TFRC: variants seen among roughly 807,000 people sequenced by gnomAD.
The protein encoded by TFRC is transferrin receptor, also known as transferrin receptor protein 1.
In TFRC, 35 loss-of-function variants were observed where a neutral mutation model predicts 85.8. The observed-to-expected ratio is 0.41, with a 90% CI of 0.31 to 0.54. The LOEUF (loss-of-function observed/expected upper bound fraction) is 0.54, where lower values mean the gene tolerates loss of function less well. TFRC is among the 20% of genes least tolerant of loss of function. The pLI is 0.31. For synonymous variants in TFRC, 362 were observed against 328.6 expected, an observed-to-expected ratio of 1.10 and a Z score of -1.10; for missense variants, 828 against 921.5, an observed-to-expected ratio of 0.90 and a Z score of 1.31.
chr3:196,052,178 A>G lies in TFRC; in HGVS notation c.2047T>C (p.Tyr683His), dbSNP rs1716375911. 6.2e-7 allele frequency: 1 copy of G among 1,612,614 alleles called. No individual in the cohort carries two copies. The highest frequency in any genetic ancestry group is 1.3e-5 in the African/African-American group (1 of 74,668). Residue 683 changes from tyrosine (Y) to histidine (H), a missense_variant, in exon 19 of 19, where the codon TAT becomes CAT. By Grantham distance (83) the Tyr-to-His change is moderately conservative. Transcript: ENST00000360110. ...GATACGTAGGGAGAGAGGAAGTGAT[A>G]CTCCACCTACGAAAACAACACACAA... ...KLNDRVMRVE[Y>H]HFLSPYVSPK...
chr3:196,076,315 T>C lies in TFRC; in HGVS notation c.36+749A>G, dbSNP rs117087571. On this transcript the variant is annotated intron_variant, in intron 2 of 18. Transcript: ENST00000360110. ...CTACTCAATGTTTCTTAAAATTTCATTTTTTTTTTAATAGAGATGGGCTTG... is the reference window on the plus strand; with the variant it reads ...CTACTCAATGTTTCTTAAAATTTCACTTTTTTTTTAATAGAGATGGGCTTG... 3.2e-3 allele frequency among the ~76,000 whole-genome samples: 445 copies of C among 140,064 alleles called. 6 individuals carry two copies. The highest frequency in any genetic ancestry group is 0.02 in the East Asian group (101 of 5,108). 91.9% of individuals were successfully genotyped at this position (140,064 alleles called of 152,430 possible).
intron 2 of TFRC, 114 bp downstream of exon 2, chr3:196,076,950 T>C: frequency 1.0e-6 from 1 of 993,002 alleles, no homozygotes. Flanking sequence ...AATTCAAATG[T>C]AAATGAATAC....
At chr3:196,057,339 C>T (rs492288) in intron 16 of TFRC, among the ~76,000 whole-genome samples, 47,613 of 151,690 alleles carry the variant, frequency 0.31, 7,546 homozygotes, top group South Asian at 0.34. Flanking sequence ...CCCCCAGTCA[C>T]GTACCCCCTG....
chr3:196,064,316 G>A lies in TFRC; in HGVS notation c.1311C>T (p.Val437=). 1 of 1,610,158 alleles carries A rather than the reference G, an allele frequency of 6.2e-7. No homozygotes were observed. The highest frequency in any genetic ancestry group is 1.7e-4 in the Middle Eastern group (1 of 6,036). The change falls in exon 11 of 19, where the codon GTC becomes GTT. Residue 437 remains valine (V), a synonymous_variant. Transcript: ENST00000360110. ...LKLAQMFSDM[V]LKDGFQPSRS... is the part of the protein sequence containing the mutation. ...TCAAAATTTGTACTCTACCTTTTAA[G>A]ACCATATCTGAGAACATCTGGGCAA...
intron 16 of TFRC, among the ~76,000 whole-genome samples, chr3:196,057,700 G>C (rs41297525): frequency 2.0e-5 from 3 of 151,610 alleles, no homozygotes; most frequent in East Asian, 1.9e-4. Context: ...GAGGCTGAAG[G>C]GGGAGGACTG....
At chr3:196,052,589 C>T (rs1716424343) in intron 18 of TFRC, among the ~76,000 whole-genome samples, 1 of 152,096 alleles carries the variant, frequency 6.6e-6, no homozygotes, top group Admixed American at 6.5e-5. Context: ...TACAGGCATG[C>T]ACCACCACGC....
chr3:196,063,842 G>A (rs1280024082), intron 11 of TFRC, among the ~76,000 whole-genome samples: 8 of 152,240 alleles, frequency 5.3e-5, no homozygotes, highest in Admixed American at 3.9e-4. Flanking sequence ...GCTTGAAGTC[G>A]GGAGGCAGAG....
In TFRC at chr3:196,052,284, C is replaced by T. The variant is rs41298097; in HGVS notation, c.2041-100G>A. 353,294 of 1,091,408 alleles carry T rather than the reference C, an allele frequency of 0.32. 60,306 individuals carry two copies. The highest frequency in any genetic ancestry group is 0.36 in the South Asian group (21,192 of 59,504). 67.6% of individuals were successfully genotyped at this position (1,091,408 alleles called of 1,614,324 possible). A position where few individuals can be genotyped will look rare whatever the true frequency, so the allele number is the denominator to read the frequency against. ...TAAAATGTCCCAAATTTAAGAATGC[C>T]GATCAGACTTTTTTTTTTTTTTTTT... On this transcript the variant is annotated intron_variant, in intron 18 of 18. Transcript: ENST00000360110.
intron 17 of TFRC, among the ~76,000 whole-genome samples, chr3:196,054,319 C>T (rs1663720588): frequency 1.3e-5 from 2 of 151,984 alleles, no homozygotes; most frequent in Non-Finnish European, 2.9e-5. Context: ...GCAGGAGAAT[C>T]GCTTAAAGCC....
intron 18 of TFRC, among the ~76,000 whole-genome samples, chr3:196,052,900 G>C (rs1445302187): frequency 6.6e-6 from 1 of 152,080 alleles, no homozygotes; most frequent in African/African-American, 2.4e-5. Flanking sequence ...ATCACTTGAG[G>C]TTGGGAGTTC....
rs1716115928 is a variant in TFRC at position 196,049,506 on chromosome 3, T to C, written c.*2436A>G. On this transcript the variant is annotated 3_prime_UTR_variant, in exon 19 of 19. Coordinates refer to ENST00000360110, the MANE Select transcript of TFRC (RefSeq NM_001128148.3). ...TTTACCTCCAAAAGGCCCATCTCCT[T>C]AACGAGAAGACATCTCAAGACCAGG... 1 of 219,724 alleles carries C rather than the reference T, an allele frequency of 4.6e-6. No homozygotes were observed. Among genetic ancestry groups the C allele is most frequent in the African/African-American group, 2.2e-5 (1 of 44,798 alleles). The allele number at this position is 219,724 out of a possible 1,614,324, so 13.6% of individuals were successfully genotyped here.
intron 10 of TFRC, 108 bp from the exon 11 acceptor site, chr3:196,064,536 A>G (rs984049532): frequency 6.2e-6 from 6 of 974,188 alleles, no homozygotes; most frequent in Non-Finnish European, 8.3e-6. Flanking sequence ...TGTATTAAGG[A>G]TAAAAGAGCC....
In TFRC at chr3:196,063,164, A is replaced by G; in HGVS notation, c.1319-225T>C. 6.6e-6 allele frequency: 3 copies of G among 452,390 alleles called. 1 individual carries two copies. The highest frequency in any genetic ancestry group is 1.2e-5 in the Non-Finnish European group (3 of 250,734). 28.0% of individuals were successfully genotyped at this position (452,390 alleles called of 1,614,324 possible). On this transcript the variant is annotated intron_variant, in intron 11 of 18. Coordinates refer to ENST00000360110, the MANE Select transcript of TFRC (RefSeq NM_001128148.3). The stretch of plus-strand genomic sequence containing the variant: ...ATAATTTTTTTTAAAGTAACCTACA[A>G]AGAGCAAGATAGGAGATCTGCAAAT...
intron 9 of TFRC, 101 bp from the exon 10 acceptor site, chr3:196,065,701 C>T: frequency 7.4e-7 from 1 of 1,347,616 alleles, no homozygotes. Context: ...ATAAACAAAA[C>T]TTACTCTCAG....
chr3:196,068,408 C>T (rs187823210), intron 7 of TFRC, among the ~76,000 whole-genome samples: 1 of 150,888 alleles, frequency 6.6e-6, no homozygotes, highest in African/African-American at 2.4e-5. Flanking sequence ...CTCAGGAGTT[C>T]GAGACCAGCC....
At chr3:196,066,051 G>A (rs1013069373) in intron 9 of TFRC, among the ~76,000 whole-genome samples, 1 of 151,792 alleles carries the variant, frequency 6.6e-6, no homozygotes, top group African/African-American at 2.4e-5. Flanking sequence ...CTCTAGTGGT[G>A]AACCATTTGC....
At chr3:196,072,830 C>CAAAT (rs1235433280) in intron 4 of TFRC, 1 of 151,996 alleles carries the variant, frequency 6.6e-6, no homozygotes, top group African/African-American at 2.4e-5. Context: ...AGTGTTACAG[C>CAAAT]TCTTTTAGAA....
intron 8 of TFRC, 85 bp from the exon 9 acceptor site, chr3:196,067,742 C>T: frequency 6.7e-7 from 1 of 1,487,762 alleles, no homozygotes; most frequent in Non-Finnish European, 9.0e-7. Context: ...AAGGCTGCAG[C>T]CCAACCTTAG....
At position 196,065,500 on chromosome 3, in the gene TFRC, G is replaced by C. The variant is rs897211495; in HGVS notation, c.1141C>G (p.Leu381Val). Residue 381 changes from leucine (L) to valine (V), a missense_variant, in exon 10 of 19, where the codon CTG becomes GTG. Physicochemically the swap from Leu to Val is conservative, Grantham distance 32. Transcript: ENST00000360110. ...ATGTTAAGAATTTTTATCTCTTTCA[G>C]CACATTGCTCACAGTGAGCTTCACA... ...KNVKLTVSNVLKEIKILNIFG... is the reference protein window; with the variant it reads ...KNVKLTVSNVVKEIKILNIFG... 2 of 1,565,980 alleles carry C rather than the reference G, an allele frequency of 1.3e-6. No homozygotes were observed. Among genetic ancestry groups the C allele is most frequent in the Non-Finnish European group, 1.7e-6 (2 of 1,152,060 alleles).
Sources: allele counts gnomAD v4.1 joint callset (sites outside exome capture counted in the v4.1 genomes callset), GRCh38; gene constraint gnomAD v4.1.1; transcripts MANE v1.5; gene names NCBI Gene and HGNC (gene_info 2026-07-23, HGNC 2026-07-21).